The following UNC5D variants were observed in gnomAD, a reference collection of about 807,000 sequenced individuals.
UNC5D encodes netrin receptor UNC5D.
A neutral mutation model predicts 105.4 loss-of-function variants in UNC5D; 39 were observed. That is an observed-to-expected ratio of 0.37 (90% CI 0.29 to 0.48). The LOEUF is 0.48. Among genes scored for constraint, UNC5D ranks in the 20% least tolerant of loss-of-function variants. The pLI is 0.98. For synonymous variants in UNC5D, 452 were observed against 450.4 expected (o/e 1.00, Z -0.04); for missense variants, 991 against 1,202.4 (o/e 0.82, Z 2.60).
intron 1 of UNC5D, among the ~76,000 whole-genome samples, chr8:35,253,567 A>G (rs1803867264): frequency 6.9e-6 from 1 of 144,020 alleles, no homozygotes; most frequent in African/African-American, 2.6e-5. Context: ...GCTCACTGCA[A>G]CCTCCACCTC....
At chr8:35,759,751 G>T (rs147776387) in intron 14 of UNC5D, among the ~76,000 whole-genome samples, 1 of 152,252 alleles carries the variant, frequency 6.6e-6, no homozygotes, top group African/African-American at 2.4e-5. Flanking sequence ...GGTTGAAGAT[G>T]CCAGTTTAAC....
intron 6 of UNC5D, among the ~76,000 whole-genome samples, chr8:35,685,301 GA>G (rs1243514647): frequency 6.6e-6 from 1 of 152,112 alleles, no homozygotes; most frequent in Admixed American, 6.5e-5. Context: ...TGTAAAAAGA[GA>G]TACTTCATTT....
intron 1 of UNC5D, among the ~76,000 whole-genome samples, chr8:35,453,625 T>A (rs1206251134): frequency 6.6e-6 from 1 of 152,234 alleles, no homozygotes; most frequent in Non-Finnish European, 1.5e-5. Flanking sequence ...GAAAGTCCTC[T>A]GGCATTTTCT....
At chr8:35,705,861 A>C in intron 7 of UNC5D, 68 bp from the exon 8 acceptor site, 2 of 1,017,438 alleles carry the variant, frequency 2.0e-6, no homozygotes, top group South Asian at 1.5e-5. Context: ...AAAGTGAAAC[A>C]GGAAATATAT....
At chr8:35,474,348 A>AT (rs1378250878) in intron 1 of UNC5D, among the ~76,000 whole-genome samples, 2 of 152,086 alleles carry the variant, frequency 1.3e-5, no homozygotes, top group Non-Finnish European at 2.9e-5. Context: ...GTTTTTAATG[A>AT]TTTTCCAACT....
intron 4 of UNC5D, among the ~76,000 whole-genome samples, chr8:35,655,426 A>G (rs138249236): frequency 2.8e-4 from 42 of 152,314 alleles, no homozygotes; most frequent in African/African-American, 9.9e-4. Context: ...AGAGATAATG[A>G]ATGGGCTTTC....
At chr8:35,519,573 T>C (rs1813323723) in intron 1 of UNC5D, among the ~76,000 whole-genome samples, 1 of 152,108 alleles carries the variant, frequency 6.6e-6, no homozygotes, top group Non-Finnish European at 1.5e-5. Context: ...ATTTAAAGTA[T>C]ACCAAAAGGT....
intron 16 of UNC5D, among the ~76,000 whole-genome samples, chr8:35,782,663 C>G (rs1294099165): frequency 6.6e-6 from 1 of 152,052 alleles, no homozygotes; most frequent in Admixed American, 6.6e-5. Context: ...GCCACCACAG[C>G]TGACTAATTC....
chr8:35,453,751 ACT>A (rs1376194557), intron 1 of UNC5D, among the ~76,000 whole-genome samples: 1 of 152,056 alleles, frequency 6.6e-6, no homozygotes, highest in Admixed American at 6.6e-5. Context: ...TCAGGACTCT[ACT>A]TTCAAACATG....
intron 1 of UNC5D, among the ~76,000 whole-genome samples, chr8:35,442,441 G>A (rs560507583): frequency 6.6e-6 from 1 of 151,930 alleles, no homozygotes; most frequent in Non-Finnish European, 1.5e-5. Flanking sequence ...CATGAGGTAA[G>A]AGTCTATACT....
At chr8:35,760,992 TTAGTG>T (rs1330213244) in intron 14 of UNC5D, among the ~76,000 whole-genome samples, 1 of 152,164 alleles carries the variant, frequency 6.6e-6, no homozygotes, top group African/African-American at 2.4e-5. Context: ...TCTGTACAGT[TTAGTG>T]CATTCAAAGC....
chr8:35,455,223 G>C (rs1377548967), intron 1 of UNC5D, among the ~76,000 whole-genome samples: 1 of 151,458 alleles, frequency 6.6e-6, no homozygotes, highest in Non-Finnish European at 1.5e-5. Context: ...ATAAATGTTT[G>C]ACCTTCCTGA....
At chr8:35,256,919 A>G (rs1181784808) in intron 1 of UNC5D, among the ~76,000 whole-genome samples, 6 of 143,880 alleles carry the variant, frequency 4.2e-5, no homozygotes, top group Non-Finnish European at 6.1e-5. Context: ...ACTGAAATCC[A>G]TCTTTTTGGT....
At position 35,568,115 on chromosome 8, in the gene UNC5D, G is replaced by A; in HGVS notation, c.340G>A (p.Val114Met). 1 of 1,614,216 alleles carries A rather than the reference G, an allele frequency of 6.2e-7. No individual in the cohort carries two copies. The highest frequency in any genetic ancestry group is 8.5e-7 in the Non-Finnish European group (1 of 1,180,022). ...DESSGLKVRE[V>M]FINVTRQQVE... ...ACCATCAGGTTTGAAGGTCCGCGAA[G>A]TGTTCATCAATGTTACTAGGCAACA... Residue 114 changes from valine to methionine, a missense_variant, in exon 3 of 17, where the codon GTG (valine) becomes ATG (methionine). Around this residue, in one of 3 missense-constraint regions of UNC5D, gnomAD observed 944 missense variants for 1,131.6 expected, o/e 0.83. Transcript: ENST00000404895.
intron 1 of UNC5D, among the ~76,000 whole-genome samples, chr8:35,391,703 G>A (rs1399645280): frequency 6.6e-6 from 1 of 152,150 alleles, no homozygotes; most frequent in Non-Finnish European, 1.5e-5. Context: ...AGGAAAATAG[G>A]AAGCGTATTT....
chr8:35,476,206 A>G (rs889417024), intron 1 of UNC5D, among the ~76,000 whole-genome samples: 15 of 152,172 alleles, frequency 9.9e-5, no homozygotes, highest in Non-Finnish European at 1.3e-4. Context: ...ATGAGCCTTC[A>G]GATGACTCTA....
intron 11 of UNC5D, among the ~76,000 whole-genome samples, chr8:35,737,018 C>T (rs1214167284): frequency 6.6e-6 from 1 of 152,126 alleles, no homozygotes; most frequent in Admixed American, 6.5e-5. Context: ...ACTAGATAAG[C>T]ACCCTCCTTG....
At chr8:35,767,925 T>G (rs1586614781) in intron 15 of UNC5D, among the ~76,000 whole-genome samples, 1 of 152,166 alleles carries the variant, frequency 6.6e-6, no homozygotes, top group Non-Finnish European at 1.5e-5. Context: ...ATTGTGATGC[T>G]TTTGTTTGTC....
intron 1 of UNC5D, among the ~76,000 whole-genome samples, chr8:35,271,674 CATATAT>C (rs1156405103): frequency 1.9e-5 from 1 of 53,788 alleles, no homozygotes; most frequent in East Asian, 8.3e-4. Context: ...TACAGGTATA[CATATAT>C]ATGTATACAT....
Sources: allele counts gnomAD v4.1 joint callset (sites outside exome capture counted in the v4.1 genomes callset), GRCh38; gene constraint gnomAD v4.1.1; regional missense constraint gnomAD v4.1.1; transcripts MANE v1.5; gene names NCBI Gene and HGNC (gene_info 2026-07-23, HGNC 2026-07-21).